SNED1: variants seen among roughly 807,000 people sequenced by gnomAD.
SNED1 encodes the protein sushi, nidogen and EGF like domains 1.
A neutral mutation model predicts 166.7 loss-of-function variants in SNED1; 81 were observed. That is an observed-to-expected ratio of 0.49 (90% confidence interval 0.41 to 0.58). The LOEUF is 0.58. SNED1 is among the 20% of genes least tolerant of loss of function. The pLI, the probability that SNED1 is intolerant of heterozygous loss-of-function variation, is 0.00. For synonymous variants in SNED1, 762 were observed against 822.0 expected, an observed-to-expected ratio of 0.93 and a Z score of 1.25; for missense variants, 1,604 against 2,000.2, an observed-to-expected ratio of 0.80 and a Z score of 3.78.
intron 1 of SNED1, among the ~76,000 whole-genome samples, chr2:241,011,870 G>A (rs1207674581): frequency 6.6e-6 from 1 of 152,192 alleles, no homozygotes; most frequent in Non-Finnish European, 1.5e-5. Context: ...CGGTGCTGGC[G>A]CTGCCCTGTC....
At position 241,069,651 on chromosome 2, in the gene SNED1, C is replaced by T. The variant is rs536940276; in HGVS notation, c.3308-269C>T. On this transcript the variant is annotated intron_variant, in intron 23 of 31. Coordinates refer to ENST00000310397, the MANE Select transcript of SNED1 (RefSeq NM_001080437.3). The surrounding 1 kb of genome is among the most constrained non-coding windows in gnomAD (Gnocchi z 4.9). Reference sequence around the variant, plus strand: ...GGAACCGACTGTGCCGCAGGGAGGGCGCCAGCTGACGGGCCAGGGCCTGGG... The same window carrying T: ...GGAACCGACTGTGCCGCAGGGAGGGTGCCAGCTGACGGGCCAGGGCCTGGG... Among the ~76,000 whole-genome samples the T allele has an allele frequency of 4.4e-4, 67 of 152,214 alleles. No homozygotes were observed. Among genetic ancestry groups the T allele is most frequent in the Middle Eastern group, 3.4e-3 (1 of 294 alleles).
In SNED1 at chr2:241,018,684, G is replaced by A. The variant is rs1647906722; in HGVS notation, c.214-11600G>A. On this transcript the variant is annotated intron_variant, in intron 1 of 31. Coordinates refer to ENST00000310397, the MANE Select transcript of SNED1 (RefSeq NM_001080437.3). This position sits in a 1 kb window ranked among gnomAD's most constrained non-coding sequence, Gnocchi z 5.4. Reference sequence around the variant, plus strand: ...CGTGTGAGAGCCACAGAGACGCCCTGCTCCCAGGCTGGCACCCACAGACCA... The same window carrying A: ...CGTGTGAGAGCCACAGAGACGCCCTACTCCCAGGCTGGCACCCACAGACCA... Among the ~76,000 whole-genome samples the A allele has an allele frequency of 6.6e-6, 1 of 152,154 alleles. No individual in the cohort carries two copies. The highest frequency in any genetic ancestry group is 2.4e-5 in the African/African-American group (1 of 41,428).
rs2061380995 is a variant in SNED1, at chr2:241,036,671, C to T, written c.806-119C>T. The T allele has an allele frequency of 3.7e-6, 5 of 1,360,732 alleles. No individual in the cohort carries two copies. The South Asian group carries it at 3.9e-5, about 11-fold the overall frequency. 84.3% of individuals were successfully genotyped at this position (1,360,732 alleles called of 1,614,324 possible). A position where few individuals can be genotyped will look rare whatever the true frequency, so the allele number is the denominator to read the frequency against. On this transcript the variant is annotated intron_variant, in intron 4 of 31. Coordinates refer to ENST00000310397, the MANE Select transcript of SNED1 (RefSeq NM_001080437.3). ...ACCTGGCTGCTTTGCTGCGGTCACC[C>T]GGGCACCCAGAGGCCGACCTTTTGG...
chr2:241,021,910 T>TTTC (rs1358396521), intron 1 of SNED1, among the ~76,000 whole-genome samples: 1 of 152,246 alleles, frequency 6.6e-6, no homozygotes, highest in African/African-American at 2.4e-5. Context: ...AGGGTTCCAA[T>TTTC]TTCTCATCAA....
At chr2:241,052,948 C>T (rs1321404303) in intron 15 of SNED1, among the ~76,000 whole-genome samples, 1 of 152,116 alleles carries the variant, frequency 6.6e-6, no homozygotes, top group African/African-American at 2.4e-5. Context: ...TTGCTAATCC[C>T]TGCAGAGCTG....
chr2:241,011,688 A>G (rs1374884359), intron 1 of SNED1, among the ~76,000 whole-genome samples: 1 of 152,228 alleles, frequency 6.6e-6, no homozygotes, highest in Non-Finnish European at 1.5e-5. Context: ...CCAGCCCTGA[A>G]GAAGGAGAGG....
chr2:241,068,856 G>T lies in SNED1; in HGVS notation c.3195-55G>T. ...GGGGGAGCTGCGGTCTGGCAGCAGA[G>T]TCACACACAGGTCCCAGACATCCCT... On this transcript the variant is annotated intron_variant, in intron 22 of 31. Transcript: ENST00000310397. This position sits in a 1 kb window ranked among gnomAD's most constrained non-coding sequence, Gnocchi z 5.3. 1.6e-6 allele frequency: 2 copies of T among 1,281,270 alleles called. No homozygotes were observed. Among genetic ancestry groups the T allele is most frequent in the South Asian group, 2.7e-5 (2 of 73,450 alleles). The allele number at this position is 1,281,270 out of a possible 1,614,324, so 79.4% of individuals were successfully genotyped here.
At chr2:241,025,213 C>T (rs978093768) in intron 1 of SNED1, among the ~76,000 whole-genome samples, 21 of 152,104 alleles carry the variant, frequency 1.4e-4, no homozygotes, top group African/African-American at 3.4e-4. Flanking sequence ...ACTATGCATG[C>T]GAGGGATCTA....
intron 2 of SNED1, among the ~76,000 whole-genome samples, chr2:241,031,870 A>C (rs1227780108): frequency 6.6e-6 from 1 of 152,252 alleles, no homozygotes; most frequent in Non-Finnish European, 1.5e-5. Flanking sequence ...CAGTGACTAC[A>C]AACTAGCCCA....
Position 241,064,572 on chromosome 2 carries a change from T to G in SNED1, c.2600-272T>G, listed in dbSNP as rs1464341911. Among the ~76,000 whole-genome samples, 1 of 152,188 alleles carries G rather than the reference T, an allele frequency of 6.6e-6. No homozygotes were observed. The highest frequency in any genetic ancestry group is 1.5e-5 in the Non-Finnish European group (1 of 68,022). On this transcript the variant is annotated intron_variant, in intron 19 of 31. Transcript: ENST00000310397. The surrounding 1 kb of genome is among the most constrained non-coding windows in gnomAD (Gnocchi z 7.0). Reference sequence around the variant, plus strand: ...TCCCCTCCTCAAGCAGGACTGTCACTGGGGTGGTGGCCTGTCCTGTCCTGA... The same window carrying G: ...TCCCCTCCTCAAGCAGGACTGTCACGGGGGTGGTGGCCTGTCCTGTCCTGA...
At chr2:241,040,786 T>C (rs1325592655) in intron 8 of SNED1, 1 of 472,996 alleles carries the variant, frequency 2.1e-6, no homozygotes, top group African/African-American at 2.0e-5. Context: ...CTTCCTCTCC[T>C]ACTCTAGAAC....
In SNED1 at chr2:241,064,939, G is replaced by A; in HGVS notation, c.2695G>A (p.Gly899Ser). 1 of 1,585,720 alleles carries A rather than the reference G, an allele frequency of 6.3e-7. No individual in the cohort carries two copies. Among genetic ancestry groups the A allele is most frequent in the Non-Finnish European group, 8.5e-7 (1 of 1,170,086 alleles). Reference sequence around the variant, plus strand: ...CTGCACCTGCAAAGTGGGCTACACGGGCGAGGACTGCGCCAAAGGTGGGTG... The same window carrying A: ...CTGCACCTGCAAAGTGGGCTACACGAGCGAGGACTGCGCCAAAGGTGGGTG... ...HSCTCKVGYT[G>S]EDCAKELFPP... Residue 899 changes from glycine to serine, a missense_variant, in exon 20 of 32, where the codon GGC (glycine) becomes AGC (serine). By Grantham distance (56) the Gly-to-Ser change is moderately conservative. Transcript: ENST00000310397. The surrounding 1 kb of genome is among the most constrained non-coding windows in gnomAD (Gnocchi z 7.0).
chr2:241,034,757 G>A (rs2061292625), intron 4 of SNED1, 27 bp downstream of exon 4: 1 of 1,517,138 alleles, frequency 6.6e-7, no homozygotes, highest in African/African-American at 1.4e-5. Flanking sequence ...GCAGCTTGGG[G>A]TGGGAGCGGG....
chr2:241,022,404 A>G (rs1009628878), intron 1 of SNED1, among the ~76,000 whole-genome samples: 1 of 152,204 alleles, frequency 6.6e-6, no homozygotes, highest in Non-Finnish European at 1.5e-5. Context: ...ATTTTTGTAT[A>G]TGGTGTGAGG....
At chr2:241,037,392 G>A (rs990650351) in intron 6 of SNED1, 39 bp downstream of exon 6, 2 of 1,376,688 alleles carry the variant, frequency 1.5e-6, no homozygotes, top group South Asian at 1.2e-5. Context: ...GCCCTGCTGG[G>A]GGCAGGATAG....
chr2:241,056,475 GA>G (rs1218676900), intron 16 of SNED1, among the ~76,000 whole-genome samples: 1 of 131,070 alleles, frequency 7.6e-6, no homozygotes, highest in East Asian at 2.3e-4. Flanking sequence ...TACAACAGAA[GA>G]AAAAAAACCA....
chr2:241,039,122 C>A (rs1205285816), intron 6 of SNED1, among the ~76,000 whole-genome samples: 10 of 152,202 alleles, frequency 6.6e-5, no homozygotes, highest in African/African-American at 1.9e-4. Context: ...CCCACAGGGG[C>A]TCCCTGATCT....
At chr2:241,021,621 T>C (rs1251942903) in intron 1 of SNED1, among the ~76,000 whole-genome samples, 1 of 152,240 alleles carries the variant, frequency 6.6e-6, no homozygotes, top group Non-Finnish European at 1.5e-5. Flanking sequence ...GAACTTCATT[T>C]CTTTTTATTG....
intron 16 of SNED1, among the ~76,000 whole-genome samples, chr2:241,053,817 C>T (rs1019451274): frequency 1.3e-5 from 2 of 152,190 alleles, no homozygotes; most frequent in Non-Finnish European, 2.9e-5. Flanking sequence ...GAGTGCACAG[C>T]CTAGAGACAA....
Sources: allele counts gnomAD v4.1 joint callset (sites outside exome capture counted in the v4.1 genomes callset), GRCh38; gene constraint gnomAD v4.1.1; non-coding constraint Gnocchi (gnomAD v3.1); transcripts MANE v1.5; gene names NCBI Gene and HGNC (gene_info 2026-07-23, HGNC 2026-07-21).